Variants in PACS2 observed in about 807,000 individuals in gnomAD.
PACS2 encodes the protein phosphofurin acidic cluster sorting protein 2.
In PACS2, 36 loss-of-function variants were observed where a neutral mutation model predicts 113.0. The ratio of observed to expected loss-of-function variants is 0.32; its 90% confidence interval spans 0.24 to 0.42. The LOEUF is 0.42. Ranked by LOEUF, PACS2 falls within the 10% of genes least tolerant of loss-of-function variation. The pLI, the probability that PACS2 is intolerant of heterozygous loss-of-function variation, is 1.00. For synonymous variants in PACS2, 589 were observed against 536.1 expected (o/e 1.10, Z -1.36); for missense variants, 1,015 against 1,239.5 (o/e 0.82, Z 2.72).
rs782086378 is a variant in PACS2 at position 105,392,781 on chromosome 14, C to A, written c.2418C>A (p.Ser806Arg). 1 of 1,611,010 alleles carries A rather than the reference C, an allele frequency of 6.2e-7. No individual in the cohort carries two copies. Among genetic ancestry groups the A allele is most frequent in the Admixed American group, 1.7e-5 (1 of 60,020 alleles). Reference sequence around the variant, plus strand: ...TCCAGGTCAGCAGGCTGCCCAGCAGCGGCGAGGCTGCAGCCACGCCCACCA... The same window carrying A: ...TCCAGGTCAGCAGGCTGCCCAGCAGAGGCGAGGCTGCAGCCACGCCCACCA... ...RSLQVSRLPS[S>R]GEAAATPTMS... The change falls in exon 23 of 25, where the codon AGC becomes AGA. Residue 806 changes from serine to arginine, a missense_variant. Transcript: ENST00000447393.
intron 2 of PACS2, among the ~76,000 whole-genome samples, chr14:105,349,605 C>G (rs1434249229): frequency 6.6e-6 from 1 of 152,264 alleles, no homozygotes; most frequent in Non-Finnish European, 1.5e-5. Context: ...GTCTTGAGTG[C>G]GAGGAGGCCT....
chr14:105,324,051 G>T lies in PACS2; in HGVS notation c.119+9014G>T, dbSNP rs1163898649. The stretch of plus-strand genomic sequence containing the variant: ...TCTCCTGCTGGGGACTGGCTTTTGT[G>T]CAGGAGATGGAGGGCAGGGGGCTAC... On this transcript the variant is annotated intron_variant, in intron 1 of 24. Transcript: ENST00000447393. This position sits in a 1 kb window ranked among gnomAD's most constrained non-coding sequence, Gnocchi z 4.7. Among the ~76,000 whole-genome samples the T allele has an allele frequency of 6.6e-6, 1 of 152,228 alleles. No individual in the cohort carries two copies. The highest frequency in any genetic ancestry group is 1.5e-5 in the Non-Finnish European group (1 of 68,044).
intron 4 of PACS2, among the ~76,000 whole-genome samples, chr14:105,364,330 C>CACCATCCA (rs2060850628): frequency 8.4e-6 from 1 of 118,464 alleles, no homozygotes; most frequent in Non-Finnish European, 1.5e-5. Context: ...CGGTGGGCGG[C>CACCATCCA]GGCCCGGGGG....
chr14:105,300,947 T>G (rs1358918019), exon 1 of PACS2: 2 of 155,200 alleles, frequency 1.3e-5, no homozygotes, highest in Admixed American at 1.3e-4. Flanking sequence ...CTGCGGGGGC[T>G]GGGCTTCGGC....
chr14:105,344,296 T>C (rs1295800496), intron 1 of PACS2, among the ~76,000 whole-genome samples: 1 of 151,752 alleles, frequency 6.6e-6, no homozygotes, highest in Admixed American at 6.6e-5. Context: ...AATTAATTAA[T>C]TGATTTATTT....
intron 1 of PACS2, among the ~76,000 whole-genome samples, chr14:105,345,504 T>G (rs1393847436): frequency 6.6e-6 from 1 of 152,238 alleles, no homozygotes; most frequent in African/African-American, 2.4e-5. Context: ...TCAGAACGGC[T>G]TTAGCTGCAC....
At chr14:105,375,890 T>C (rs1257004822) in intron 8 of PACS2, among the ~76,000 whole-genome samples, 1 of 152,068 alleles carries the variant, frequency 6.6e-6, no homozygotes, top group African/African-American at 2.4e-5. Flanking sequence ...GTCCACCCAC[T>C]CAGTGGCGCA....
At chr14:105,344,341 C>A (rs1555402178) in intron 1 of PACS2, among the ~76,000 whole-genome samples, 1 of 151,770 alleles carries the variant, frequency 6.6e-6, no homozygotes, top group South Asian at 2.1e-4. Context: ...CCCAGGCTGG[C>A]GTGCAGTGAT....
intron 1 of PACS2, among the ~76,000 whole-genome samples, chr14:105,342,414 C>T (rs931063552): frequency 3.9e-5 from 6 of 151,984 alleles, no homozygotes; most frequent in East Asian, 3.9e-4. Flanking sequence ...ACTGCAGGTG[C>T]GCCCCACCAA....
chr14:105,381,273 C>T (rs587691665), intron 12 of PACS2, among the ~76,000 whole-genome samples, 174 bp downstream of exon 12: 130 of 152,302 alleles, frequency 8.5e-4, no homozygotes, highest in Admixed American at 4.2e-3. Flanking sequence ...CCCCCTGGCC[C>T]GGCATTGGGT....
At chr14:105,360,557 A>G (rs1555406224) in intron 4 of PACS2, among the ~76,000 whole-genome samples, 1 of 151,414 alleles carries the variant, frequency 6.6e-6, no homozygotes, top group Non-Finnish European at 1.5e-5. Flanking sequence ...AAAAAAAAAA[A>G]AGAAAAGAAA....
intron 1 of PACS2, among the ~76,000 whole-genome samples, chr14:105,318,177 C>T (rs587749175): frequency 1.3e-5 from 2 of 152,364 alleles, no homozygotes; most frequent in African/African-American, 4.8e-5. Flanking sequence ...GAGACAGGGT[C>T]TCCCTATGTT....
intron 10 of PACS2, 76 bp downstream of exon 10, chr14:105,379,905 A>T (rs1305296451): frequency 6.8e-7 from 1 of 1,469,144 alleles, no homozygotes; most frequent in African/African-American, 1.4e-5. Flanking sequence ...ATCTCCCAGC[A>T]TGTCCTGGGC....
intron 1 of PACS2, among the ~76,000 whole-genome samples, chr14:105,337,150 T>A (rs962135918): frequency 6.6e-6 from 1 of 152,360 alleles, no homozygotes; most frequent in Middle Eastern, 3.4e-3. Flanking sequence ...CTTGAGTATA[T>A]TGTGCTGAGT....
Position 105,391,659 on chromosome 14 carries a change from C to G in PACS2, c.2148C>G (p.Gly716=). 1 of 1,610,532 alleles carries G rather than the reference C, an allele frequency of 6.2e-7. No individual in the cohort carries two copies. The highest frequency in any genetic ancestry group is 1.1e-5 in the South Asian group (1 of 90,746). ...ACTCGGACGACGCGGCCCCCTCGGG[C>G]TCTGGCACGCTCTCCTCCACCCCGC... ...SGDSDDAAPS[G]SGTLSSTPPS... is the part of the protein sequence containing the mutation. The change falls in exon 22 of 25, where the codon GGC becomes GGG. Residue 716 remains glycine (G), a synonymous_variant. Coordinates refer to ENST00000447393, the MANE Select transcript of PACS2 (RefSeq NM_001100913.3).
At chr14:105,383,786 A>G (rs980066181) in intron 16 of PACS2, 8 of 446,946 alleles carry the variant, frequency 1.8e-5, no homozygotes, top group Non-Finnish European at 2.8e-5. Flanking sequence ...AGATAAAGCC[A>G]TCGCCCTCTG....
intron 12 of PACS2, among the ~76,000 whole-genome samples, chr14:105,381,687 G>A (rs1050400351): frequency 2.4e-4 from 36 of 152,240 alleles, no homozygotes; most frequent in Non-Finnish European, 1.5e-5. Flanking sequence ...AGCTGTGTGG[G>A]GTCCCATCGG....
chr14:105,383,207 T>TG lies in PACS2; in HGVS notation c.1626-147dup, dbSNP rs1469229433. On this transcript the variant is annotated intron_variant, in intron 15 of 24. Coordinates refer to ENST00000447393, the MANE Select transcript of PACS2 (RefSeq NM_001100913.3). ...CTCAGCCTGGGCACGTTTGGGCATG[T>TG]GGGGGTCCTGGGCTTGGGCAGCTCC... 5.7e-6 allele frequency: 5 copies of TG among 871,190 alleles called. No homozygotes were observed. In the Admixed American group the frequency reaches 7.1e-5, roughly 12 times the overall value. 54.0% of individuals were successfully genotyped at this position (871,190 alleles called of 1,614,324 possible).
intron 4 of PACS2, among the ~76,000 whole-genome samples, chr14:105,363,682 T>C (rs2060816664): frequency 6.6e-6 from 1 of 152,238 alleles, no homozygotes; most frequent in Admixed American, 6.5e-5. Flanking sequence ...CTGTGTTCGC[T>C]GGAGCAGCGA....
Sources: gnomAD v4.1 joint callset for allele counts (sites outside exome capture counted in the v4.1 genomes callset) on GRCh38, gnomAD v4.1.1 for gene constraint, Gnocchi (gnomAD v3.1) non-coding constraint, MANE v1.5 for transcripts, NCBI Gene and HGNC (gene_info 2026-07-23, HGNC 2026-07-21) for gene names.